Variants in PITPNC1 observed in about 807,000 individuals in gnomAD.
PITPNC1 encodes phosphatidylinositol transfer protein cytoplasmic 1, also known as cytoplasmic phosphatidylinositol transfer protein 1.
Under a neutral mutation model 44.7 loss-of-function variants are expected in PITPNC1, and 18 were observed. The ratio of observed to expected loss-of-function variants is 0.40; its 90% CI spans 0.28 to 0.60. The LOEUF (loss-of-function observed/expected upper bound fraction) is 0.60, where lower values mean the gene tolerates loss of function less well. Among genes scored for constraint, PITPNC1 ranks in the 20% least tolerant of loss-of-function variants. The pLI, the probability that PITPNC1 is intolerant of heterozygous loss-of-function variation, is 0.39. For missense variants in PITPNC1, 290 were observed against 418.4 expected (o/e 0.69, Z 2.68); for synonymous variants, 141 against 149.6 (o/e 0.94, Z 0.42).
At chr17:67,522,165 G>A (rs1034370847) in intron 1 of PITPNC1, among the ~76,000 whole-genome samples, 7 of 152,096 alleles carry the variant, frequency 4.6e-5, no homozygotes, top group East Asian at 1.9e-4. Flanking sequence ...TTAGCCGGGC[G>A]TGGTGGCACA....
intron 1 of PITPNC1, among the ~76,000 whole-genome samples, chr17:67,393,498 A>AT (rs1053932551): frequency 2.6e-5 from 4 of 152,012 alleles, no homozygotes; most frequent in Non-Finnish European, 5.9e-5. Context: ...GCTCATAAGA[A>AT]TTTTTTTCTG....
rs1240257858 is a variant in PITPNC1 at position 67,692,797 on chromosome 17, C to A, written c.908C>A (p.Thr303Asn). Residue 303 changes from threonine to asparagine, a missense_variant, in exon 9 of 9, where the codon ACT (threonine) becomes AAT (asparagine). By Grantham distance (65) the Thr-to-Asn change is moderately conservative. Transcript: ENST00000581322. The part of the protein sequence containing the change: ...DRPRKKSAPE[T>N]LTLPDPEKKA... ...CCCCGGAAAAAGTCTGCCCCAGAAA[C>A]TCTCACACTTCCAGACCCTGAGAAA... The A allele has an allele frequency of 6.2e-7, 1 of 1,613,782 alleles. No individual in the cohort carries two copies. Among genetic ancestry groups the A allele is most frequent in the Non-Finnish European group, 8.5e-7 (1 of 1,179,712 alleles).
intron 1 of PITPNC1, among the ~76,000 whole-genome samples, chr17:67,532,339 G>A (rs1359068480): frequency 1.3e-5 from 2 of 152,162 alleles, no homozygotes; most frequent in African/African-American, 4.8e-5. Flanking sequence ...TGAGCATTTT[G>A]AGAGAGGGAG....
chr17:67,684,936 A>G lies in PITPNC1; in HGVS notation c.683-7636A>G, dbSNP rs150506293. On this transcript the variant is annotated intron_variant, in intron 8 of 8. Coordinates refer to ENST00000581322, the MANE Select transcript of PITPNC1 (RefSeq NM_012417.4). The stretch of plus-strand genomic sequence containing the variant: ...GAAGTATGATTTCTGTGGGGATTCA[A>G]TAGAACAAAAAAACCTATAACTCCT... Among the ~76,000 whole-genome samples, 461 of 152,392 alleles carry G rather than the reference A, an allele frequency of 3.0e-3. 4 individuals carry two copies. The highest frequency in any genetic ancestry group is 9.8e-3 in the African/African-American group (408 of 41,596).
intron 1 of PITPNC1, among the ~76,000 whole-genome samples, chr17:67,470,487 G>C (rs986158874): frequency 2.6e-5 from 4 of 152,338 alleles, no homozygotes; most frequent in Middle Eastern, 3.4e-3. Flanking sequence ...TATAGATGCA[G>C]TCATACAGAT....
chr17:67,429,307 G>C (rs2038821180), intron 1 of PITPNC1, among the ~76,000 whole-genome samples: 1 of 152,186 alleles, frequency 6.6e-6, no homozygotes, highest in Non-Finnish European at 1.5e-5. Context: ...ATAGGACAGT[G>C]GTTGCCAGTC....
At chr17:67,480,894 A>T (rs2039692391) in intron 1 of PITPNC1, among the ~76,000 whole-genome samples, 3 of 152,192 alleles carry the variant, frequency 2.0e-5, no homozygotes, top group African/African-American at 7.2e-5. Context: ...AAGAGATCCA[A>T]CAACATTGTG....
At chr17:67,558,609 C>A (rs1404485849) in intron 4 of PITPNC1, among the ~76,000 whole-genome samples, 1 of 152,028 alleles carries the variant, frequency 6.6e-6, no homozygotes, top group Non-Finnish European at 1.5e-5. Flanking sequence ...TAGCAGGGAC[C>A]TAGAGTAATA....
At position 67,501,559 on chromosome 17, in the gene PITPNC1, C is replaced by T. The variant is rs956350281; in HGVS notation, c.49-31243C>T. Among the ~76,000 whole-genome samples, 5 of 152,036 alleles carry T rather than the reference C, an allele frequency of 3.3e-5. No individual in the cohort carries two copies. The East Asian group carries it at 5.8e-4, about 18-fold the overall frequency. On this transcript the variant is annotated intron_variant, in intron 1 of 8. Coordinates refer to ENST00000581322, the MANE Select transcript of PITPNC1 (RefSeq NM_012417.4). ...TAAAAGTTTGGGGGCTGGCTGGGTGCGGTGGCTCACGCCTGTAATTCCAGC... is the reference window on the plus strand; with the variant it reads ...TAAAAGTTTGGGGGCTGGCTGGGTGTGGTGGCTCACGCCTGTAATTCCAGC...
chr17:67,610,798 G>A (rs1256551972), intron 5 of PITPNC1, among the ~76,000 whole-genome samples: 1 of 151,920 alleles, frequency 6.6e-6, no homozygotes, highest in Non-Finnish European at 1.5e-5. Context: ...GCATGCGCCT[G>A]TAGTCCCAGC....
intron 2 of PITPNC1, among the ~76,000 whole-genome samples, 156 bp downstream of exon 2, chr17:67,533,106 G>A (rs1002442799): frequency 3.3e-5 from 5 of 152,148 alleles, no homozygotes; most frequent in African/African-American, 1.2e-4. Context: ...TTTGAAAACA[G>A]AATCTGCCCG....
chr17:67,551,707 T>C (rs981427170), intron 2 of PITPNC1, among the ~76,000 whole-genome samples: 2 of 152,232 alleles, frequency 1.3e-5, no homozygotes, highest in Non-Finnish European at 2.9e-5. Flanking sequence ...TTACTGGAGA[T>C]TAAGATGTGG....
chr17:67,599,625 T>C (rs993196537), intron 5 of PITPNC1, among the ~76,000 whole-genome samples: 1 of 152,096 alleles, frequency 6.6e-6, no homozygotes, highest in Non-Finnish European at 1.5e-5. Flanking sequence ...CAGAGTTCCG[T>C]GAACACAGAA....
intron 6 of PITPNC1, among the ~76,000 whole-genome samples, chr17:67,655,563 A>C (rs868860146): frequency 6.6e-5 from 9 of 136,326 alleles, no homozygotes; most frequent in African/African-American, 2.7e-4. Flanking sequence ...CATCTCAAAA[A>C]AAAAAAAAAA....
rs147058065 is a variant in PITPNC1 at position 67,581,033 on chromosome 17, A to T, written c.366+2776A>T. On this transcript the variant is annotated intron_variant, in intron 5 of 8. Transcript: ENST00000581322. ...CTCTACACTCCAGCTTGGGTGACAG[A>T]GTGCCACCTAAAAATAAAAAAGAGG... 2.4e-4 allele frequency among the ~76,000 whole-genome samples: 37 copies of T among 152,362 alleles called. No homozygotes were observed. In the East Asian group the frequency reaches 6.4e-3, roughly 26 times the overall value.
At chr17:67,471,267 C>T (rs539393935) in intron 1 of PITPNC1, among the ~76,000 whole-genome samples, 1 of 144,326 alleles carries the variant, frequency 6.9e-6, no homozygotes, top group South Asian at 2.3e-4. Flanking sequence ...GAAATTCATC[C>T]ATATTATTGG....
Position 67,553,593 on chromosome 17 carries a change from T to C in PITPNC1, c.287-17T>C, listed in dbSNP as rs187750149. 33 of 1,203,826 alleles carry C rather than the reference T, an allele frequency of 2.7e-5. No homozygotes were observed. The highest frequency in any genetic ancestry group is 3.5e-5 in the Non-Finnish European group (30 of 864,272). 74.6% of individuals were successfully genotyped at this position (1,203,826 alleles called of 1,614,324 possible). On this transcript the variant is annotated splice_polypyrimidine_tract_variant and intron_variant, in intron 3 of 8. Coordinates refer to ENST00000581322, the MANE Select transcript of PITPNC1 (RefSeq NM_012417.4). ...TTTTTTCTTTCCTCTCTTCTTCAAATGAACATGTGGAAACAGAATACACAG... is the reference window on the plus strand; with the variant it reads ...TTTTTTCTTTCCTCTCTTCTTCAAACGAACATGTGGAAACAGAATACACAG...
chr17:67,525,829 A>G (rs935938815), intron 1 of PITPNC1, among the ~76,000 whole-genome samples: 16 of 152,310 alleles, frequency 1.1e-4, no homozygotes, highest in African/African-American at 3.8e-4. Flanking sequence ...GCCAAATGAT[A>G]TCACTCTCTG....
At chr17:67,581,495 C>A (rs1202891306) in intron 5 of PITPNC1, among the ~76,000 whole-genome samples, 5 of 152,204 alleles carry the variant, frequency 3.3e-5, no homozygotes, top group African/African-American at 1.2e-4. Flanking sequence ...GCCCAAGCCC[C>A]AGTCCTGCCA....
Sources: allele counts gnomAD v4.1 joint callset (sites outside exome capture counted in the v4.1 genomes callset), GRCh38; gene constraint gnomAD v4.1.1; transcripts MANE v1.5; gene names NCBI Gene and HGNC (gene_info 2026-07-23, HGNC 2026-07-21).